TMEM74: variants seen among roughly 807,000 people sequenced by gnomAD.
TMEM74 encodes transmembrane protein 74.
In TMEM74, 13 loss-of-function variants were observed where a neutral mutation model predicts 18.1. The observed-to-expected ratio is 0.72, with a 90% confidence interval of 0.47 to 1.14. The LOEUF (loss-of-function observed/expected upper bound fraction) is 1.14. TMEM74 is among the 50% of genes most tolerant of loss of function. The probability of loss-of-function intolerance (pLI) is 0.00; values close to 1 mark genes in which losing one functional copy is unlikely to be tolerated. For synonymous variants in TMEM74, 159 were observed against 146.6 expected (o/e 1.08, Z -0.61); for missense variants, 372 against 375.9 (o/e 0.99, Z 0.09).
intron 2 of TMEM74, among the ~76,000 whole-genome samples, chr8:108,641,421 C>T (rs577868544): frequency 2.6e-5 from 4 of 152,270 alleles, no homozygotes; most frequent in South Asian, 2.1e-4. Flanking sequence ...GCCACTGCCA[C>T]GGCCCAAATC....
chr8:108,661,888 CT>C (rs1812903606), intron 1 of TMEM74, among the ~76,000 whole-genome samples: 1 of 152,106 alleles, frequency 6.6e-6, no homozygotes, highest in South Asian at 2.1e-4. Flanking sequence ...AAGAAATTCT[CT>C]ATTCCTTATA....
intron 1 of TMEM74, among the ~76,000 whole-genome samples, chr8:108,728,403 T>C (rs1813662303): frequency 6.6e-6 from 1 of 152,148 alleles, no homozygotes; most frequent in Non-Finnish European, 1.5e-5. Context: ...TTATGGTAAC[T>C]GGTAGGAAGG....
rs533602123 is a variant in TMEM74, at chr8:108,684,366, A to AT, written n.120-28930dup. Among the ~76,000 whole-genome samples, 26 of 151,564 alleles carry AT rather than the reference A, an allele frequency of 1.7e-4. No individual in the cohort carries two copies. The East Asian group carries it at 5.0e-3, about 29-fold the overall frequency. On this transcript the variant is annotated intron_variant and non_coding_transcript_variant, in intron 1 of 3. Coordinates refer to the TMEM74 transcript ENST00000518838. ...TCTCTGATGATTAGTGATCTTGAAC[A>AT]TTTTTTCATGGATTTGAACCCATTT... is the stretch of plus-strand genomic sequence containing the variant.
intron 1 of TMEM74, among the ~76,000 whole-genome samples, chr8:108,718,411 A>C (rs962489245): frequency 5.9e-5 from 9 of 152,320 alleles, no homozygotes; most frequent in African/African-American, 2.2e-4. Flanking sequence ...GAGTGTGCTC[A>C]GAGTTTTATT....
intron 1 of TMEM74, among the ~76,000 whole-genome samples, chr8:108,683,206 A>G (rs1318906889): frequency 1.3e-5 from 2 of 151,770 alleles, no homozygotes; most frequent in Non-Finnish European, 3.0e-5. Flanking sequence ...GTTCTATTCA[A>G]CCTTTAAGGA....
At chr8:108,754,876 C>T (rs1813941588) in intron 1 of TMEM74, among the ~76,000 whole-genome samples, 1 of 151,780 alleles carries the variant, frequency 6.6e-6, no homozygotes, top group South Asian at 2.1e-4. Flanking sequence ...GATGGATGTC[C>T]CAGCTTAGGA....
chr8:108,732,251 C>A (rs891863963), intron 1 of TMEM74, among the ~76,000 whole-genome samples: 1 of 152,046 alleles, frequency 6.6e-6, no homozygotes, highest in African/African-American at 2.4e-5. Context: ...TTTAAAAGAC[C>A]GAAGTAAATA....
At chr8:108,773,048 A>G (rs762806867) in intron 1 of TMEM74, among the ~76,000 whole-genome samples, 2 of 152,156 alleles carry the variant, frequency 1.3e-5, no homozygotes, top group Non-Finnish European at 2.9e-5. Context: ...TACATTAGAC[A>G]ACTATGGGTA....
intron 2 of TMEM74, among the ~76,000 whole-genome samples, chr8:108,632,820 A>T (rs11993236): frequency 3.6e-4 from 55 of 152,094 alleles, no homozygotes; most frequent in African/African-American, 1.3e-3. Context: ...TAATTTCCTT[A>T]TTGACAAAAT....
rs917515486 is a variant in TMEM74 at position 108,683,326 on chromosome 8, AAAT to A, written n.120-27892_120-27890del. Among the ~76,000 whole-genome samples, 91 of 151,822 alleles carry A rather than the reference AAAT, an allele frequency of 6.0e-4. 1 individual carries two copies. The highest frequency in any genetic ancestry group is 2.2e-3 in the African/African-American group (90 of 41,572). The stretch of plus-strand genomic sequence containing the variant: ...GTTAAAAAACAGAAAATAAAAGAAA[AAAT>A]AAGAGGAAACTATAGTTCAGTATCA... On this transcript the variant is annotated intron_variant and non_coding_transcript_variant, in intron 1 of 3. Transcript: ENST00000518838.
At chr8:108,674,245 A>G (rs1416255229) in intron 1 of TMEM74, among the ~76,000 whole-genome samples, 1 of 152,150 alleles carries the variant, frequency 6.6e-6, no homozygotes, top group Non-Finnish European at 1.5e-5. Context: ...CCAACATTAA[A>G]CATAGGGTAT....
intron 1 of TMEM74, among the ~76,000 whole-genome samples, chr8:108,730,635 T>A (rs1245837505): frequency 8.0e-6 from 1 of 125,348 alleles, no homozygotes; most frequent in African/African-American, 3.7e-5. Flanking sequence ...GCAGACTTCC[T>A]TTTTTTTTTT....
At chr8:108,675,647 A>G (rs1221345945) in intron 1 of TMEM74, among the ~76,000 whole-genome samples, 2 of 152,214 alleles carry the variant, frequency 1.3e-5, no homozygotes, top group Non-Finnish European at 2.9e-5. Flanking sequence ...TAGAAAAATA[A>G]ATCTTTTCTA....
intron 1 of TMEM74, among the ~76,000 whole-genome samples, chr8:108,735,362 C>A (rs1425739274): frequency 1.3e-5 from 2 of 152,056 alleles, no homozygotes; most frequent in East Asian, 3.9e-4. Context: ...TCCTTCTATC[C>A]CCCCATTTCC....
At chr8:108,661,257 G>A (rs966161794) in intron 1 of TMEM74, among the ~76,000 whole-genome samples, 83 of 151,750 alleles carry the variant, frequency 5.5e-4, no homozygotes, top group African/African-American at 2.0e-3. Context: ...TAAATTATAC[G>A]ACTCTGCTTT....
intron 1 of TMEM74, among the ~76,000 whole-genome samples, chr8:108,678,583 G>A (rs1813078833): frequency 1.3e-5 from 2 of 150,722 alleles, no homozygotes; most frequent in Admixed American, 1.3e-4. Context: ...ATGTTGGCCA[G>A]GCTGGTCTCG....
chr8:108,629,165 G>T (rs891099372), intron 2 of TMEM74, among the ~76,000 whole-genome samples: 13 of 151,982 alleles, frequency 8.6e-5, no homozygotes, highest in Non-Finnish European at 1.8e-4. Context: ...GAAAAACACA[G>T]CACGAGAACT....
At chr8:108,764,846 G>C (rs1202344538) in intron 1 of TMEM74, among the ~76,000 whole-genome samples, 2 of 152,106 alleles carry the variant, frequency 1.3e-5, no homozygotes, top group African/African-American at 4.8e-5. Flanking sequence ...ACTCTCGTAG[G>C]CAACTTAAGG....
intron 1 of TMEM74, among the ~76,000 whole-genome samples, chr8:108,720,552 C>A (rs1339726774): frequency 6.6e-6 from 1 of 152,048 alleles, no homozygotes; most frequent in Non-Finnish European, 1.5e-5. Context: ...TATTTTAAAG[C>A]TGCAAACATA....
Sources: allele counts gnomAD v4.1 joint callset (sites outside exome capture counted in the v4.1 genomes callset), GRCh38; gene constraint gnomAD v4.1.1; transcripts MANE v1.5; gene names NCBI Gene and HGNC (gene_info 2026-07-23, HGNC 2026-07-21).